Variants in AGO3 observed in about 807,000 individuals in gnomAD.
The protein encoded by AGO3 is protein argonaute-3.
In AGO3, 16 loss-of-function variants were observed where a neutral mutation model predicts 105.5. The observed-to-expected ratio is 0.15, with a 90% CI of 0.10 to 0.23. The LOEUF is 0.23. Among genes scored for constraint, AGO3 ranks in the 10% least tolerant of loss-of-function variants. The probability of loss-of-function intolerance (pLI) is 1.00; values close to 1 mark genes in which losing one functional copy is unlikely to be tolerated. For synonymous variants in AGO3, 340 were observed against 367.3 expected (o/e 0.93, Z 0.85); for missense variants, 534 against 1,088.0 (o/e 0.49, Z 7.16).
At position 36,008,134 on chromosome 1, in the gene AGO3, C is replaced by T. The variant is rs1225703057; in HGVS notation, c.794-556C>T. ...TAATAGTATTGGAAAAGAGCTGTGT[C>T]ACTATATTATACCTCTATAAAAGTG... On this transcript the variant is annotated intron_variant, in intron 6 of 18. Coordinates refer to ENST00000373191, the MANE Select transcript of AGO3 (RefSeq NM_024852.4). The surrounding 1 kb of genome is among the most constrained non-coding windows in gnomAD (Gnocchi z 5.1). 6.6e-6 allele frequency among the ~76,000 whole-genome samples: 1 copy of T among 152,170 alleles called. No individual in the cohort carries two copies. Among genetic ancestry groups the T allele is most frequent in the Non-Finnish European group, 1.5e-5 (1 of 68,034 alleles).
intron 1 of AGO3, among the ~76,000 whole-genome samples, chr1:35,932,827 C>T (rs969416691): frequency 1.3e-5 from 2 of 152,152 alleles, no homozygotes; most frequent in Non-Finnish European, 2.9e-5. Context: ...ACATAACTGT[C>T]CTGTTGTCAA....
rs911735447 is a variant in AGO3, at chr1:36,071,321, C to T, written c.*15576C>T. 1.3e-5 allele frequency: 2 copies of T among 152,100 alleles called. No individual in the cohort carries two copies. The highest frequency in any genetic ancestry group is 2.9e-5 in the Non-Finnish European group (2 of 68,026). The allele number at this position is 152,100 out of a possible 1,614,324, so 9.4% of individuals were successfully genotyped here. ...ACAGGACATGTGGGGAGGGTGGGGC[C>T]GCCTGCAAAATGTCCTGAAGATGGA... On this transcript the variant is annotated 3_prime_UTR_variant, in exon 19 of 19. Transcript: ENST00000373191.
intron 11 of AGO3, among the ~76,000 whole-genome samples, chr1:36,014,271 G>T (rs1473751575): frequency 6.6e-6 from 1 of 151,484 alleles, no homozygotes; most frequent in Non-Finnish European, 1.5e-5. Context: ...CAATTCTCCT[G>T]CCTCAGCCTC....
intron 5 of AGO3, among the ~76,000 whole-genome samples, chr1:35,978,275 C>T (rs910991084): frequency 1.3e-5 from 2 of 152,054 alleles, no homozygotes; most frequent in African/African-American, 2.4e-5. Flanking sequence ...CTGCAACCTC[C>T]GCCTCCCTGG....
intron 11 of AGO3, among the ~76,000 whole-genome samples, chr1:36,021,603 G>C (rs1641227730): frequency 6.6e-6 from 1 of 152,044 alleles, no homozygotes; most frequent in African/African-American, 2.4e-5. Flanking sequence ...GGGGACCTCT[G>C]TAACATCCCA....
intron 2 of AGO3, among the ~76,000 whole-genome samples, chr1:35,962,456 T>C (rs1423842827): frequency 6.7e-6 from 1 of 150,024 alleles, no homozygotes; most frequent in Non-Finnish European, 1.5e-5. Flanking sequence ...GGCAGGAGAA[T>C]AGTGTGAACC....
intron 1 of AGO3, among the ~76,000 whole-genome samples, chr1:35,938,682 A>G (rs1052555744): frequency 2.0e-5 from 3 of 152,164 alleles, no homozygotes. Context: ...TCTAGTACAT[A>G]TGTGTTTGTA....
chr1:35,938,430 C>T (rs555620813), intron 1 of AGO3, among the ~76,000 whole-genome samples: 1 of 152,282 alleles, frequency 6.6e-6, no homozygotes, highest in Admixed American at 6.5e-5. Context: ...TCTTGTATAT[C>T]TTCCCAGACA....
intron 17 of AGO3, among the ~76,000 whole-genome samples, chr1:36,048,209 A>G (rs1167375072): frequency 6.6e-6 from 1 of 152,058 alleles, no homozygotes; most frequent in East Asian, 1.9e-4. Context: ...ATGTGAGCTC[A>G]GGAGGCAGAG....
At chr1:35,962,596 GACAA>G (rs1646698551) in intron 2 of AGO3, among the ~76,000 whole-genome samples, 1 of 150,668 alleles carries the variant, frequency 6.6e-6, no homozygotes, top group African/African-American at 2.4e-5. Flanking sequence ...CACAAGAACA[GACAA>G]ACAGAACACT....
intron 11 of AGO3, among the ~76,000 whole-genome samples, chr1:36,016,462 G>A (rs555340302): frequency 1.6e-4 from 24 of 152,180 alleles, no homozygotes; most frequent in Non-Finnish European, 2.6e-4. Flanking sequence ...GATTACAGGC[G>A]TGAGCCACTG....
At chr1:36,026,021 A>T (rs188574620) in intron 11 of AGO3, among the ~76,000 whole-genome samples, 3 of 152,066 alleles carry the variant, frequency 2.0e-5, no homozygotes, top group Non-Finnish European at 4.4e-5. Flanking sequence ...AGCCTGGGCA[A>T]CAGAGTGAGA....
chr1:36,007,146 G>A lies in AGO3; in HGVS notation c.794-1544G>A, dbSNP rs537553660. Among the ~76,000 whole-genome samples the A allele has an allele frequency of 3.3e-5, 5 of 152,298 alleles. No individual in the cohort carries two copies. The East Asian group carries it at 9.6e-4, about 29-fold the overall frequency. On this transcript the variant is annotated intron_variant, in intron 6 of 18. Transcript: ENST00000373191. ...AGACATTGCCAAATGTCCCCTGGGG[G>A]ACAGATTGCCCTCTGGCTAAGAACC...
intron 2 of AGO3, among the ~76,000 whole-genome samples, chr1:35,953,844 G>T (rs1646517216): frequency 6.6e-6 from 1 of 151,952 alleles, no homozygotes; most frequent in South Asian, 2.1e-4. Context: ...TTGTCTTTTT[G>T]TTATTGAGTC....
chr1:36,070,629 A>T lies in AGO3; in HGVS notation c.*14884A>T, dbSNP rs888651267. On this transcript the variant is annotated 3_prime_UTR_variant, in exon 19 of 19. Transcript: ENST00000373191. The stretch of plus-strand genomic sequence containing the variant: ...TTTACTTTTATCTCCACAGATGCCA[A>T]CCTCCCCTTGTTGCAGGCAGTTGGG... 1 of 152,134 alleles carries T rather than the reference A, an allele frequency of 6.6e-6. No homozygotes were observed. The highest frequency in any genetic ancestry group is 2.4e-5 in the African/African-American group (1 of 41,400). 9.4% of individuals were successfully genotyped at this position (152,134 alleles called of 1,614,324 possible). A position where few individuals can be genotyped will look rare whatever the true frequency, so the allele number is the denominator to read the frequency against.
In AGO3 at chr1:36,061,076, T is replaced by G. The variant is rs1643020752; in HGVS notation, c.*5331T>G. The G allele has an allele frequency of 6.6e-6, 1 of 152,118 alleles. No homozygotes were observed. The highest frequency in any genetic ancestry group is 2.4e-5 in the African/African-American group (1 of 41,418). The allele number at this position is 152,118 out of a possible 1,614,324, so 9.4% of individuals were successfully genotyped here. ...TGAGAATTTTCTCCAAAAAATCTTTTTAAAAAAGTCCTGCTTATACTAAGA... is the reference window on the plus strand; with the variant it reads ...TGAGAATTTTCTCCAAAAAATCTTTGTAAAAAAGTCCTGCTTATACTAAGA... On this transcript the variant is annotated 3_prime_UTR_variant, in exon 19 of 19. Coordinates refer to ENST00000373191, the MANE Select transcript of AGO3 (RefSeq NM_024852.4).
intron 5 of AGO3, among the ~76,000 whole-genome samples, chr1:35,981,042 C>T (rs1279905465): frequency 6.6e-6 from 1 of 152,134 alleles, no homozygotes; most frequent in Non-Finnish European, 1.5e-5. Context: ...CACTACAACT[C>T]CTGTTGACTG....
intron 10 of AGO3, 50 bp from the exon 11 acceptor site, chr1:36,013,865 T>G (rs1028280998): frequency 6.2e-7 from 1 of 1,601,560 alleles, no homozygotes; most frequent in Non-Finnish European, 8.5e-7. Flanking sequence ...TTTCTGTTTA[T>G]TGAAAATTTT....
intron 1 of AGO3, among the ~76,000 whole-genome samples, chr1:35,942,931 G>T (rs1347868846): frequency 6.6e-6 from 1 of 152,000 alleles, no homozygotes; most frequent in Non-Finnish European, 1.5e-5. Context: ...TGTTTCTTAT[G>T]AAATTGACTA....
Sources: allele counts gnomAD v4.1 joint callset (sites outside exome capture counted in the v4.1 genomes callset), GRCh38; gene constraint gnomAD v4.1.1; non-coding constraint Gnocchi (gnomAD v3.1); transcripts MANE v1.5; gene names NCBI Gene and HGNC (gene_info 2026-07-23, HGNC 2026-07-21).